RNF216: variants seen among roughly 807,000 people sequenced by gnomAD.
RNF216 encodes the protein ring finger protein 216, also known as E3 ubiquitin-protein ligase RNF216.
Under a neutral mutation model 110.8 loss-of-function variants are expected in RNF216, and 72 were observed. The observed-to-expected ratio is 0.65, with a 90% CI of 0.54 to 0.79. The LOEUF is 0.79. Among genes scored for constraint, RNF216 ranks in the 30% least tolerant of loss-of-function variants. The pLI, the probability that RNF216 is intolerant of heterozygous loss-of-function variation, is 0.00. For missense variants in RNF216, 1,342 were observed against 1,141.2 expected, an observed-to-expected ratio of 1.18 and a Z score of -2.54; for synonymous variants, 495 against 407.5, an observed-to-expected ratio of 1.21 and a Z score of -2.59.
intron 10 of RNF216, among the ~76,000 whole-genome samples, chr7:5,715,932 G>A (rs546389850): frequency 1.7e-4 from 26 of 152,006 alleles, no homozygotes; most frequent in African/African-American, 6.0e-4. Flanking sequence ...TAGTAGAGAC[G>A]GGGTTTCACC....
intron 13 of RNF216, among the ~76,000 whole-genome samples, chr7:5,658,898 G>A (rs1057346275): frequency 6.6e-5 from 10 of 152,114 alleles, no homozygotes; most frequent in African/African-American, 2.4e-4. Flanking sequence ...ATACTGAAGC[G>A]CCATGGAGGA....
chr7:5,770,995 A>C (rs1010835182), intron 1 of RNF216, among the ~76,000 whole-genome samples: 1 of 152,150 alleles, frequency 6.6e-6, no homozygotes, highest in Non-Finnish European at 1.5e-5. Context: ...GTTAGTAGAG[A>C]CAGGGTTTCA....
chr7:5,774,018 T>G (rs1050741344), intron 1 of RNF216, among the ~76,000 whole-genome samples: 80 of 152,202 alleles, frequency 5.3e-4, no homozygotes, highest in African/African-American at 1.8e-3. Flanking sequence ...TTCAAAAAAT[T>G]CCTCATGAGT....
rs1043777466 is a variant in RNF216 at position 5,641,354 on chromosome 7, G to A, written c.2182C>T (p.Arg728Cys). ...CCACACTTGTGGCATTTTCTAATGC[G>A]GGCAGCAGTCATTTTTTCTTCACTG... ...TSIEEKMTAA[R>C]IRKCHKCGTG... The change falls in exon 15 of 17, where the codon CGC becomes TGC. Residue 728 changes from arginine to cysteine, a missense_variant. Transcript: ENST00000389902. 3.7e-6 allele frequency: 6 copies of A among 1,613,370 alleles called. No homozygotes were observed. The highest frequency in any genetic ancestry group is 1.3e-5 in the African/African-American group (1 of 74,898).
intron 13 of RNF216, among the ~76,000 whole-genome samples, chr7:5,708,092 G>C (rs967214162): frequency 6.6e-6 from 1 of 152,210 alleles, no homozygotes. Context: ...GTATCGCCTT[G>C]TGGCTGGAAA....
intron 14 of RNF216, among the ~76,000 whole-genome samples, chr7:5,644,039 T>C (rs138424661): frequency 7.9e-5 from 12 of 152,364 alleles, no homozygotes; most frequent in Non-Finnish European, 1.8e-4. Flanking sequence ...CTTTTTATGG[T>C]TGGATAATAT....
chr7:5,742,674 C>T (rs1387001407), intron 3 of RNF216, among the ~76,000 whole-genome samples: 2 of 142,874 alleles, frequency 1.4e-5, no homozygotes, highest in Non-Finnish European at 3.0e-5. Flanking sequence ...CAGCTCACTC[C>T]AACTTCTGCC....
chr7:5,654,104 G>A (rs1327822684), intron 13 of RNF216, among the ~76,000 whole-genome samples: 2 of 152,086 alleles, frequency 1.3e-5, no homozygotes, highest in Non-Finnish European at 2.9e-5. Flanking sequence ...AAGAGTGAAC[G>A]TGCAAAAGAC....
intron 3 of RNF216, among the ~76,000 whole-genome samples, chr7:5,749,477 A>G (rs1370544977): frequency 6.6e-6 from 1 of 151,928 alleles, no homozygotes; most frequent in Admixed American, 6.6e-5. Flanking sequence ...ATATTCCAAG[A>G]TTAGATAAAG....
intron 1 of RNF216, among the ~76,000 whole-genome samples, chr7:5,765,705 G>T (rs570638888): frequency 6.6e-6 from 1 of 151,446 alleles, no homozygotes; most frequent in Non-Finnish European, 1.5e-5. Context: ...TACTTCGGGC[G>T]GCTGAGGCGG....
intron 15 of RNF216, among the ~76,000 whole-genome samples, chr7:5,631,625 T>A (rs1787077384): frequency 6.6e-6 from 1 of 152,012 alleles, no homozygotes; most frequent in Non-Finnish European, 1.5e-5. Flanking sequence ...CTTTCTGGCC[T>A]CTTCTCGTCA....
At chr7:5,656,300 T>C (rs1788737908) in intron 13 of RNF216, among the ~76,000 whole-genome samples, 1 of 152,068 alleles carries the variant, frequency 6.6e-6, no homozygotes, top group South Asian at 2.1e-4. Flanking sequence ...GGATTACAGG[T>C]GTGAGCCACT....
intron 8 of RNF216, among the ~76,000 whole-genome samples, chr7:5,724,530 A>G (rs1793633958): frequency 6.6e-6 from 1 of 152,230 alleles, no homozygotes; most frequent in South Asian, 2.1e-4. Flanking sequence ...ATTCTGCCAC[A>G]GGCCAGGGCG....
intron 1 of RNF216, among the ~76,000 whole-genome samples, chr7:5,771,053 A>C (rs537523804): frequency 6.6e-6 from 1 of 152,236 alleles, no homozygotes; most frequent in South Asian, 2.1e-4. Context: ...TGATTCGCCC[A>C]CCTTGGCCTC....
At chr7:5,663,091 G>A (rs1370429055) in intron 13 of RNF216, among the ~76,000 whole-genome samples, 1 of 152,130 alleles carries the variant, frequency 6.6e-6, no homozygotes, top group Non-Finnish European at 1.5e-5. Context: ...AAATGACCCG[G>A]GAAGAGCTGG....
intron 2 of RNF216, chr7:5,760,292 G>A (rs7793632): frequency 3.3e-4 from 54 of 163,328 alleles, no homozygotes; most frequent in African/African-American, 1.2e-3. Flanking sequence ...TGAGGCGGGC[G>A]GATCACCTGA....
Position 5,638,649 on chromosome 7 carries a change from T to TG in RNF216, c.2382+2504dup, listed in dbSNP as rs1554345703. 2.0e-3 allele frequency among the ~76,000 whole-genome samples: 301 copies of TG among 149,836 alleles called. 5 individuals carry two copies. The highest frequency in any genetic ancestry group is 1.5e-3 in the Non-Finnish European group (104 of 67,402). ...AAAGCAAGCATTTTTTTTTTTTTTT[T>TG]GGGGGGGAGACAGGGTCTTGCTCTG... On this transcript the variant is annotated intron_variant, in intron 15 of 16. Coordinates refer to ENST00000389902, the MANE Select transcript of RNF216 (RefSeq NM_207111.4).
At chr7:5,651,229 CTTTTT>C (rs955863686) in intron 14 of RNF216, among the ~76,000 whole-genome samples, 1 of 144,590 alleles carries the variant, frequency 6.9e-6, no homozygotes, top group South Asian at 2.2e-4. Context: ...ACAATCTTCT[CTTTTT>C]TTTTTTTGAG....
At chr7:5,666,017 T>C (rs1789489142) in intron 13 of RNF216, among the ~76,000 whole-genome samples, 1 of 150,246 alleles carries the variant, frequency 6.7e-6, no homozygotes, top group South Asian at 2.1e-4. Flanking sequence ...TACAAAAAAA[T>C]TAGCCGGGCG....
Sources: gnomAD v4.1 joint callset for allele counts (sites outside exome capture counted in the v4.1 genomes callset) on GRCh38, gnomAD v4.1.1 for gene constraint, MANE v1.5 for transcripts, NCBI Gene and HGNC (gene_info 2026-07-23, HGNC 2026-07-21) for gene names.